Variants in NRG3 observed in about 807,000 individuals in gnomAD.
NRG3 encodes the protein pro-neuregulin-3, membrane-bound isoform.
NRG3 carries 31 observed loss-of-function variants against 66.9 expected under a neutral mutation model. The ratio of observed to expected loss-of-function variants is 0.46; its 90% CI spans 0.35 to 0.63. The LOEUF is 0.63. Ranked by LOEUF, NRG3 falls within the 20% of genes least tolerant of loss-of-function variation. NRG3 has a pLI of 0.00. For synonymous variants in NRG3, 393 were observed against 359.4 expected (o/e 1.09, Z -1.06); for missense variants, 910 against 878.9 (o/e 1.04, Z -0.45).
chr10:82,178,969 A>G (rs1363995859), intron 1 of NRG3, among the ~76,000 whole-genome samples: 2 of 151,888 alleles, frequency 1.3e-5, no homozygotes, highest in Non-Finnish European at 2.9e-5. Context: ...TATAATTTTG[A>G]TTTTCATTTT....
At chr10:82,802,139 T>C (rs978509636) in intron 3 of NRG3, among the ~76,000 whole-genome samples, 1 of 152,204 alleles carries the variant, frequency 6.6e-6, no homozygotes, top group African/African-American at 2.4e-5. Context: ...CCAAATTCCT[T>C]TACTCTAATA....
At chr10:82,542,731 T>C (rs1190260966) in intron 2 of NRG3, among the ~76,000 whole-genome samples, 1 of 152,222 alleles carries the variant, frequency 6.6e-6, no homozygotes, top group East Asian at 1.9e-4. Context: ...AAGCTGAATA[T>C]AATCCTGTGA....
intron 2 of NRG3, among the ~76,000 whole-genome samples, chr10:82,665,125 C>T (rs2052662513): frequency 6.6e-6 from 1 of 152,104 alleles, no homozygotes; most frequent in Non-Finnish European, 1.5e-5. Context: ...TGATTGTTTG[C>T]TCCATCCCGT....
intron 2 of NRG3, among the ~76,000 whole-genome samples, chr10:82,475,336 A>G (rs1841673602): frequency 6.6e-6 from 1 of 152,110 alleles, no homozygotes; most frequent in Non-Finnish European, 1.5e-5. Context: ...AATATAACCA[A>G]CAAATTGGAT....
At chr10:82,255,869 G>C (rs2077702034) in intron 1 of NRG3, among the ~76,000 whole-genome samples, 1 of 151,880 alleles carries the variant, frequency 6.6e-6, no homozygotes, top group Admixed American at 6.6e-5. Flanking sequence ...CTCCCAAACT[G>C]CTGGGATCAC....
Position 82,337,987 on chromosome 10 carries a change from C to T in NRG3, c.824-20752C>T, listed in dbSNP as rs562998577. 3.5e-4 allele frequency among the ~76,000 whole-genome samples: 53 copies of T among 152,138 alleles called. No individual in the cohort carries two copies. The South Asian group carries it at 0.011, about 31-fold the overall frequency. The stretch of plus-strand genomic sequence containing the variant: ...GTTAAGCCAAGAGTCAAATAAGATC[C>T]GCACGCCTTCCCTTTGTCCCATGTA... On this transcript the variant is annotated intron_variant, in intron 1 of 8. Coordinates refer to ENST00000372141, the MANE Select transcript of NRG3 (RefSeq NM_001010848.4).
chr10:82,836,458 C>G (rs973083999), intron 3 of NRG3, among the ~76,000 whole-genome samples: 9 of 152,152 alleles, frequency 5.9e-5, no homozygotes, highest in African/African-American at 2.2e-4. Context: ...CTTACAAATG[C>G]ACAGGCAGAT....
intron 1 of NRG3, among the ~76,000 whole-genome samples, chr10:82,033,944 G>A (rs970194894): frequency 1.3e-5 from 2 of 152,074 alleles, no homozygotes; most frequent in African/African-American, 4.8e-5. Flanking sequence ...TGACATTATA[G>A]TAATATATTT....
Position 81,984,102 on chromosome 10 carries a change from A to G in NRG3, c.823+107939A>G, listed in dbSNP as rs761318555. Among the ~76,000 whole-genome samples, 44 of 152,172 alleles carry G rather than the reference A, an allele frequency of 2.9e-4. 1 individual carries two copies. Among genetic ancestry groups the G allele is most frequent in the Non-Finnish European group, 2.4e-4 (16 of 68,034 alleles). ...ATAGGCAGCCACTAAAAAGCAGGGA[A>G]AGAGTCTCCCTTCAAAGTCCCCAGA... On this transcript the variant is annotated intron_variant, in intron 1 of 8. Transcript: ENST00000372141.
At chr10:82,743,296 A>G (rs2058508901) in intron 3 of NRG3, among the ~76,000 whole-genome samples, 1 of 151,896 alleles carries the variant, frequency 6.6e-6, no homozygotes. Context: ...TTCGATTCGC[A>G]CTTTGTTTCT....
At chr10:82,625,029 A>G (rs1270538629) in intron 2 of NRG3, among the ~76,000 whole-genome samples, 2 of 151,508 alleles carry the variant, frequency 1.3e-5, no homozygotes, top group Non-Finnish European at 2.9e-5. Context: ...GATCTTTCCT[A>G]TTCTGGATAG....
At chr10:82,883,426 T>C (rs1262410148) in intron 4 of NRG3, among the ~76,000 whole-genome samples, 4 of 152,164 alleles carry the variant, frequency 2.6e-5, no homozygotes, top group Admixed American at 6.5e-5. Flanking sequence ...AGTCATAGAT[T>C]CCTGGAATTT....
At chr10:82,320,156 T>C (rs1589709188) in intron 1 of NRG3, among the ~76,000 whole-genome samples, 1 of 152,288 alleles carries the variant, frequency 6.6e-6, no homozygotes, top group African/African-American at 2.4e-5. Flanking sequence ...CTGAGTAGCA[T>C]GTTTGTATTT....
At chr10:82,218,680 T>G (rs1013831162) in intron 1 of NRG3, among the ~76,000 whole-genome samples, 1 of 152,160 alleles carries the variant, frequency 6.6e-6, no homozygotes, top group African/African-American at 2.4e-5. Flanking sequence ...TCCCCACATA[T>G]CTTTCTTCTT....
chr10:81,952,147 C>T (rs1030311455), intron 1 of NRG3, among the ~76,000 whole-genome samples: 21 of 152,152 alleles, frequency 1.4e-4, no homozygotes, highest in East Asian at 3.9e-4. Flanking sequence ...TGTTAAATGA[C>T]GAGTTACTGG....
At chr10:82,312,286 T>C (rs1289519983) in intron 1 of NRG3, among the ~76,000 whole-genome samples, 1 of 152,196 alleles carries the variant, frequency 6.6e-6, no homozygotes, top group Non-Finnish European at 1.5e-5. Context: ...GAAGAGGCCA[T>C]TGAAGGCATA....
intron 1 of NRG3, among the ~76,000 whole-genome samples, chr10:81,978,146 T>C (rs1382878755): frequency 6.6e-6 from 1 of 152,200 alleles, no homozygotes; most frequent in Non-Finnish European, 1.5e-5. Context: ...TGTAATTGTG[T>C]ATTATTTAAC....
intron 1 of NRG3, among the ~76,000 whole-genome samples, chr10:81,945,228 C>T (rs113981784): frequency 1.4e-4 from 21 of 152,102 alleles, no homozygotes; most frequent in African/African-American, 4.6e-4. Flanking sequence ...AGGTCTGGAT[C>T]GTATAATCTT....
At chr10:82,770,611 G>A (rs933607178) in intron 3 of NRG3, among the ~76,000 whole-genome samples, 2 of 152,100 alleles carry the variant, frequency 1.3e-5, no homozygotes, top group African/African-American at 2.4e-5. Flanking sequence ...ATCAGAGGAG[G>A]AAAGAAACAA....
Sources: allele counts gnomAD v4.1 joint callset (sites outside exome capture counted in the v4.1 genomes callset), GRCh38; gene constraint gnomAD v4.1.1; transcripts MANE v1.5; gene names NCBI Gene and HGNC (gene_info 2026-07-23, HGNC 2026-07-21).